MDGA2: variants seen among roughly 807,000 people sequenced by gnomAD.
The protein encoded by MDGA2 is MAM domain-containing glycosylphosphatidylinositol anchor protein 2.
Under a neutral mutation model 117.8 loss-of-function variants are expected in MDGA2, and 40 were observed. The ratio of observed to expected loss-of-function variants is 0.34; its 90% CI spans 0.26 to 0.44. The LOEUF is 0.44. MDGA2 is among the 20% of genes least tolerant of loss of function. The probability of loss-of-function intolerance (pLI) is 1.00; values close to 1 mark genes in which losing one functional copy is unlikely to be tolerated. For synonymous variants in MDGA2, 452 were observed against 439.0 expected (o/e 1.03, Z -0.37); for missense variants, 1,123 against 1,250.6 (o/e 0.90, Z 1.54).
chr14:47,591,801 A>G (rs1401231630), intron 1 of MDGA2, among the ~76,000 whole-genome samples: 1 of 152,028 alleles, frequency 6.6e-6, no homozygotes, highest in Non-Finnish European at 1.5e-5. Context: ...TAAGAGCCAT[A>G]TATGACAAAC....
At chr14:47,323,023 T>C (rs981018798) in intron 1 of MDGA2, among the ~76,000 whole-genome samples, 9 of 151,692 alleles carry the variant, frequency 5.9e-5, no homozygotes, top group African/African-American at 2.2e-4. Context: ...CCTAAGGCTC[T>C]TTCAGAGAAG....
chr14:47,004,924 G>A (rs1440549944), intron 8 of MDGA2, among the ~76,000 whole-genome samples: 1 of 151,524 alleles, frequency 6.6e-6, no homozygotes, highest in African/African-American at 2.4e-5. Context: ...AAGATATGGG[G>A]TGAATTACAA....
chr14:46,953,577 G>C (rs1392699760), intron 9 of MDGA2, among the ~76,000 whole-genome samples: 1 of 151,722 alleles, frequency 6.6e-6, no homozygotes, highest in Admixed American at 6.6e-5. Flanking sequence ...TAAGCAACTA[G>C]ACAAAACAAA....
intron 1 of MDGA2, among the ~76,000 whole-genome samples, chr14:47,387,880 G>T (rs1205453649): frequency 6.6e-6 from 1 of 152,150 alleles, no homozygotes; most frequent in Non-Finnish European, 1.5e-5. Flanking sequence ...GTATTTAAGG[G>T]ATGGGTCAGA....
At chr14:47,172,481 C>T (rs1018381242) in intron 3 of MDGA2, among the ~76,000 whole-genome samples, 1 of 152,096 alleles carries the variant, frequency 6.6e-6, no homozygotes, top group Admixed American at 6.5e-5. Flanking sequence ...GAGCAGCATT[C>T]GCGGTTCACG....
intron 1 of MDGA2, among the ~76,000 whole-genome samples, chr14:47,318,012 C>A (rs1889861195): frequency 6.6e-6 from 1 of 151,988 alleles, no homozygotes; most frequent in Non-Finnish European, 1.5e-5. Context: ...TTTCATATAC[C>A]ACAAACATAA....
chr14:46,921,971 AAGG>A (rs1478661691), intron 9 of MDGA2, among the ~76,000 whole-genome samples: 2 of 152,092 alleles, frequency 1.3e-5, no homozygotes, highest in African/African-American at 4.8e-5. Flanking sequence ...TTATTTAATC[AAGG>A]AAGAAACCTA....
chr14:46,965,074 C>T (rs1885972257), intron 8 of MDGA2, among the ~76,000 whole-genome samples: 1 of 140,928 alleles, frequency 7.1e-6, no homozygotes, highest in Admixed American at 7.5e-5. Flanking sequence ...CAGGCGCCCG[C>T]CACCACGCCC....
At chr14:46,930,760 T>C (rs1361961212) in intron 9 of MDGA2, among the ~76,000 whole-genome samples, 1 of 152,202 alleles carries the variant, frequency 6.6e-6, no homozygotes, top group African/African-American at 2.4e-5. Flanking sequence ...GACCACATTA[T>C]ATTTTATCAC....
rs1212820895 is a variant in MDGA2 at position 47,319,872 on chromosome 14, A to G, written c.281-18322T>C. On this transcript the variant is annotated intron_variant, in intron 1 of 16. Coordinates refer to ENST00000399232, the MANE Select transcript of MDGA2 (RefSeq NM_001113498.3). Reference sequence around the variant, plus strand: ...ATTAATTCAAAATGTGAGTTTATTTAGAGTTAGGATCTTGACAAGGGTAAT... The same window carrying G: ...ATTAATTCAAAATGTGAGTTTATTTGGAGTTAGGATCTTGACAAGGGTAAT... Among the ~76,000 whole-genome samples the G allele has an allele frequency of 2.6e-5, 4 of 152,280 alleles. No individual in the cohort carries two copies. The East Asian group carries it at 5.8e-4, about 22-fold the overall frequency.
At chr14:47,115,163 C>G (rs1220750800) in intron 5 of MDGA2, among the ~76,000 whole-genome samples, 4 of 152,000 alleles carry the variant, frequency 2.6e-5, no homozygotes, top group African/African-American at 9.7e-5. Context: ...TTAACACATT[C>G]AAGCATTACA....
rs1159524207 is a variant in MDGA2 at position 46,952,153 on chromosome 14, T to A, written c.2089+5221A>T. On this transcript the variant is annotated intron_variant, in intron 9 of 16. Coordinates refer to ENST00000399232, the MANE Select transcript of MDGA2 (RefSeq NM_001113498.3). ...AAACTTAAATATATAATAAATGCAA[T>A]TTAATCTTCTTAAAATAAAATCTAT... Among the ~76,000 whole-genome samples, 3 of 151,996 alleles carry A rather than the reference T, an allele frequency of 2.0e-5. No homozygotes were observed. In the East Asian group the frequency reaches 5.8e-4, roughly 29 times the overall value.
intron 1 of MDGA2, among the ~76,000 whole-genome samples, chr14:47,358,444 ATAGTAC>A (rs1891043094): frequency 6.6e-6 from 1 of 152,196 alleles, no homozygotes; most frequent in Admixed American, 6.5e-5. Flanking sequence ...GGTATCAAAT[ATAGTAC>A]TGAAAGTACT....
chr14:47,084,791 T>G (rs1382901871), intron 6 of MDGA2, among the ~76,000 whole-genome samples: 1 of 152,162 alleles, frequency 6.6e-6, no homozygotes. Flanking sequence ...ACGTTTGCAG[T>G]GTGCAGGCCA....
Position 47,267,519 on chromosome 14 carries a change from A to C in MDGA2, c.420+33892T>G, listed in dbSNP as rs190511781. On this transcript the variant is annotated intron_variant, in intron 2 of 16. Transcript: ENST00000399232. ...CCAGTCACTGTGACTGTTGATTCCT[A>C]ATTTCTCAGGTCACGAATGGCAAAT... 1.9e-3 allele frequency among the ~76,000 whole-genome samples: 296 copies of C among 152,094 alleles called. 3 individuals are homozygous for C. Among genetic ancestry groups the C allele is most frequent in the African/African-American group, 6.8e-3 (283 of 41,510 alleles).
intron 1 of MDGA2, among the ~76,000 whole-genome samples, chr14:47,658,943 T>C (rs188047492): frequency 1.5e-3 from 228 of 152,316 alleles, no homozygotes; most frequent in African/African-American, 5.3e-3. Context: ...CTTCTCCCTC[T>C]GCTCTTCCCA....
intron 1 of MDGA2, among the ~76,000 whole-genome samples, chr14:47,506,590 C>A (rs867861629): frequency 6.6e-6 from 1 of 152,344 alleles, no homozygotes; most frequent in East Asian, 1.9e-4. Context: ...ACAGTGGCCA[C>A]CATTCCAGGC....
intron 1 of MDGA2, among the ~76,000 whole-genome samples, chr14:47,654,798 A>G (rs2138277688): frequency 6.6e-6 from 1 of 152,250 alleles, no homozygotes; most frequent in Non-Finnish European, 1.5e-5. Flanking sequence ...AGAAGAAAAA[A>G]GACTGTGCTC....
At chr14:46,929,116 G>A (rs1208878395) in intron 9 of MDGA2, among the ~76,000 whole-genome samples, 1 of 152,048 alleles carries the variant, frequency 6.6e-6, no homozygotes, top group African/African-American at 2.4e-5. Flanking sequence ...TTGTTACTAG[G>A]TTCTTATCTG....
Sources: allele counts gnomAD v4.1 joint callset (sites outside exome capture counted in the v4.1 genomes callset), GRCh38; gene constraint gnomAD v4.1.1; transcripts MANE v1.5; gene names NCBI Gene and HGNC (gene_info 2026-07-23, HGNC 2026-07-21).